The following PARVA variants were observed in gnomAD, a reference collection of about 807,000 sequenced individuals.
The protein encoded by PARVA is parvin alpha, also known as alpha-parvin.
PARVA carries 25 observed loss-of-function variants against 52.6 expected under a neutral mutation model. The ratio of observed to expected loss-of-function variants is 0.48; its 90% CI spans 0.35 to 0.66. The LOEUF is 0.66. Ranked by LOEUF, PARVA falls within the 30% of genes least tolerant of loss-of-function variation. The pLI is 0.01. For missense variants in PARVA, 373 were observed against 450.9 expected, an observed-to-expected ratio of 0.83 and a Z score of 1.56; for synonymous variants, 185 against 179.1, an observed-to-expected ratio of 1.03 and a Z score of -0.26.
intron 1 of PARVA, among the ~76,000 whole-genome samples, chr11:12,446,988 C>T (rs1940556068): frequency 6.6e-6 from 1 of 152,152 alleles, no homozygotes; most frequent in African/African-American, 2.4e-5. Context: ...TTCTTCCAGG[C>T]CTGTGTTATA....
intron 4 of PARVA, among the ~76,000 whole-genome samples, chr11:12,488,410 G>A (rs1048690263): frequency 6.6e-5 from 10 of 152,160 alleles, no homozygotes; most frequent in Admixed American, 1.3e-4. Context: ...CTGATTCCAA[G>A]AACAAGAAGG....
chr11:12,432,913 A>G (rs1940334117), intron 1 of PARVA, among the ~76,000 whole-genome samples: 1 of 152,164 alleles, frequency 6.6e-6, no homozygotes, highest in Non-Finnish European at 1.5e-5. Flanking sequence ...GGTGGCTAGA[A>G]ATGAGGGCTC....
Position 12,473,862 on chromosome 11 carries a change from C to T in PARVA, c.226+28C>T, listed in dbSNP as rs1422708202. ...AACTGTGCTCTTGTCTCTGAATTCG[C>T]TTAAGCTTTCCCATGCCAGCACCCC... is the stretch of plus-strand genomic sequence containing the variant. On this transcript the variant is annotated intron_variant, in intron 2 of 12. Transcript: ENST00000334956. 3.2e-6 allele frequency: 5 copies of T among 1,562,958 alleles called. No individual in the cohort carries two copies. In the East Asian group the frequency reaches 9.5e-5, roughly 30 times the overall value.
chr11:12,394,700 C>T lies in PARVA; in HGVS notation c.136+16917C>T, dbSNP rs1939708306. Among the ~76,000 whole-genome samples, 2 of 152,350 alleles carry T rather than the reference C, an allele frequency of 1.3e-5. 1 individual carries two copies. The highest frequency in any genetic ancestry group is 4.1e-4 in the South Asian group (2 of 4,826). ...TTTCCATTATGATTACAATCATCCT[C>T]CTGTATACACAAGAGATTGGTCCCA... On this transcript the variant is annotated intron_variant, in intron 1 of 12. Coordinates refer to ENST00000334956, the MANE Select transcript of PARVA (RefSeq NM_018222.5).
At chr11:12,418,218 G>C (rs1027079249) in intron 1 of PARVA, among the ~76,000 whole-genome samples, 5 of 152,166 alleles carry the variant, frequency 3.3e-5, no homozygotes, top group African/African-American at 1.2e-4. Context: ...AGCCCAGGCC[G>C]CCTACCTGGG....
chr11:12,497,730 AGGGG>A (rs1941315745), intron 5 of PARVA, among the ~76,000 whole-genome samples: 1 of 152,146 alleles, frequency 6.6e-6, no homozygotes, highest in Non-Finnish European at 1.5e-5. Flanking sequence ...TATCAAGGAG[AGGGG>A]CTCTGTTTCA....
intron 12 of PARVA, among the ~76,000 whole-genome samples, chr11:12,524,638 C>A (rs188104817): frequency 1.3e-5 from 2 of 152,320 alleles, no homozygotes; most frequent in Non-Finnish European, 2.9e-5. Context: ...CCTGCTGGGC[C>A]TATGTTCCCT....
At chr11:12,518,915 C>T (rs1941606125) in intron 12 of PARVA, among the ~76,000 whole-genome samples, 1 of 152,214 alleles carries the variant, frequency 6.6e-6, no homozygotes, top group African/African-American at 2.4e-5. Flanking sequence ...TCTCTCCTTA[C>T]AGATGCGGAG....
chr11:12,503,639 C>T (rs970571470), intron 5 of PARVA, among the ~76,000 whole-genome samples: 4 of 151,994 alleles, frequency 2.6e-5, no homozygotes, highest in African/African-American at 7.3e-5. Flanking sequence ...GAGGCCAAGG[C>T]GGGAGGATTG....
intron 1 of PARVA, among the ~76,000 whole-genome samples, chr11:12,452,280 T>C (rs1247773360): frequency 6.6e-6 from 1 of 152,184 alleles, no homozygotes; most frequent in African/African-American, 2.4e-5. Flanking sequence ...TTTTCTTCTT[T>C]TCCTTAATGC....
chr11:12,455,573 G>A (rs1352461272), intron 1 of PARVA, among the ~76,000 whole-genome samples: 3 of 152,034 alleles, frequency 2.0e-5, no homozygotes, highest in African/African-American at 7.2e-5. Flanking sequence ...ACCCTATCTA[G>A]TAGAAATCTA....
At chr11:12,388,818 C>A (rs1448990199) in intron 1 of PARVA, among the ~76,000 whole-genome samples, 3 of 151,950 alleles carry the variant, frequency 2.0e-5, no homozygotes, top group African/African-American at 7.3e-5. Context: ...ATTTTATAGG[C>A]ACATAATACT....
chr11:12,479,133 A>G (rs1941051983), intron 4 of PARVA: 1 of 152,190 alleles, frequency 6.6e-6, no homozygotes, highest in African/African-American at 2.4e-5. Context: ...ATTTTTATAT[A>G]TGCCACACAT....
At chr11:12,377,222 CG>C (rs1939403261), upstream of PARVA, 1 of 336,240 alleles carries the variant, frequency 3.0e-6, no homozygotes, top group African/African-American at 2.2e-5. Context: ...GCTCACCAGC[CG>C]CCGGCTGGAA....
chr11:12,474,047 T>A, intron 3 of PARVA, 64 bp downstream of exon 3: 3 of 1,320,338 alleles, frequency 2.3e-6, no homozygotes, highest in Non-Finnish European at 3.2e-6. Flanking sequence ...ATATGCCACC[T>A]GCTCTGTGCA....
intron 4 of PARVA, among the ~76,000 whole-genome samples, chr11:12,491,498 G>A (rs111942644): frequency 7.2e-5 from 11 of 152,242 alleles, no homozygotes; most frequent in African/African-American, 1.9e-4. Flanking sequence ...AGGGACACGC[G>A]AAGGTTGAAA....
At chr11:12,504,557 T>C in intron 6 of PARVA, 128 bp downstream of exon 6, 1 of 642,310 alleles carries the variant, frequency 1.6e-6, no homozygotes, top group Non-Finnish European at 2.8e-6. Context: ...GTGTGCAGTA[T>C]ATTGGGAGGC....
chr11:12,377,823 G>C (rs1474719494), intron 1 of PARVA, 40 bp downstream of exon 1: 1 of 1,446,916 alleles, frequency 6.9e-7, no homozygotes, highest in Non-Finnish European at 9.1e-7. Context: ...GGTAGGAGCC[G>C]GGGGTGCCGT....
intron 4 of PARVA, among the ~76,000 whole-genome samples, chr11:12,491,297 T>C (rs1415336347): frequency 2.0e-5 from 3 of 152,158 alleles, no homozygotes; most frequent in Non-Finnish European, 4.4e-5. Context: ...CCCAGGTAGT[T>C]AGGACTACAG....
Sources: gnomAD v4.1 joint callset for allele counts (sites outside exome capture counted in the v4.1 genomes callset) on GRCh38, gnomAD v4.1.1 for gene constraint, MANE v1.5 for transcripts, NCBI Gene and HGNC (gene_info 2026-07-23, HGNC 2026-07-21) for gene names.